Variants in SHQ1 observed in about 807,000 individuals in gnomAD.
SHQ1 encodes the protein SHQ1, H/ACA ribonucleoprotein assembly factor.
Under a neutral mutation model 53.8 loss-of-function variants are expected in SHQ1, and 49 were observed. That is an observed-to-expected ratio of 0.91 (90% confidence interval 0.72 to 1.16). SHQ1 has a LOEUF of 1.16. Ranked by LOEUF, SHQ1 falls within the 50% of genes most tolerant of loss-of-function variation. SHQ1 has a pLI of 0.00. For missense variants in SHQ1, 738 were observed against 683.1 expected, an observed-to-expected ratio of 1.08 and a Z score of -0.90; for synonymous variants, 243 against 251.0, an observed-to-expected ratio of 0.97 and a Z score of 0.30.
At chr3:72,740,534 T>A in the SHQ1 span, among the ~76,000 whole-genome samples, 1 of 152,214 alleles carries the variant, frequency 6.6e-6, no homozygotes, top group African/African-American at 2.4e-5. Flanking sequence ...TCCTCTTTAC[T>A]GTTTGAAGCA....
rs867985799 is a variant in SHQ1, at chr3:72,763,066, G to C, written c.1182-12230C>G. On this transcript the variant is annotated intron_variant, in intron 10 of 10. Transcript: ENST00000325599. ...ACACACACACACACACACACACAGA[G>C]AGAGAGAGAGAGAGAGAGAGAAATG... is the stretch of plus-strand genomic sequence containing the variant. Among the ~76,000 whole-genome samples, 243 of 136,572 alleles carry C rather than the reference G, an allele frequency of 1.8e-3. 1 individual carries two copies. Among genetic ancestry groups the C allele is most frequent in the African/African-American group, 6.2e-3 (199 of 31,974 alleles). 89.6% of individuals were successfully genotyped at this position (136,572 alleles called of 152,430 possible).
At chr3:72,781,749 T>C (rs532846824) in intron 10 of SHQ1, among the ~76,000 whole-genome samples, 2 of 152,202 alleles carry the variant, frequency 1.3e-5, no homozygotes, top group East Asian at 3.9e-4. Flanking sequence ...CATGAAGCAG[T>C]GGCCTTTTAA....
At chr3:72,784,365 G>A (rs116268485) in intron 10 of SHQ1, among the ~76,000 whole-genome samples, 1,649 of 152,262 alleles carry the variant, frequency 0.011, 26 homozygotes, top group African/African-American at 0.036. Context: ...CTAATGAAGA[G>A]CAACAGTCCC....
intron 10 of SHQ1, among the ~76,000 whole-genome samples, chr3:72,769,964 G>A (rs1406184962): frequency 6.6e-6 from 1 of 152,096 alleles, no homozygotes; most frequent in Non-Finnish European, 1.5e-5. Context: ...AACAAAATGA[G>A]GACATAACCC....
intron 10 of SHQ1, 64 bp from the exon 11 acceptor site, chr3:72,750,900 A>G (rs1406446196): frequency 7.4e-6 from 10 of 1,348,450 alleles, no homozygotes; most frequent in Non-Finnish European, 8.8e-6. Context: ...ATAACAGGTT[A>G]TACAGCTTCC....
chr3:72,828,687 T>C, intron 5 of SHQ1, among the ~76,000 whole-genome samples: 1 of 152,096 alleles, frequency 6.6e-6, no homozygotes, highest in East Asian at 1.9e-4. Context: ...AGAGCAAGAC[T>C]CTGTCTCAAA....
rs1419736386 is a variant in SHQ1, at chr3:72,750,525, T to A, written c.1493A>T (p.Glu498Val). 6.2e-7 allele frequency: 1 copy of A among 1,614,228 alleles called. No individual in the cohort carries two copies. Among genetic ancestry groups the A allele is most frequent in the South Asian group, 1.1e-5 (1 of 91,088 alleles). The change falls in exon 11 of 11, where the codon GAA becomes GTA. Residue 498 changes from glutamate to valine, a missense_variant. By Grantham distance (121) the Glu-to-Val change is moderately radical. Transcript: ENST00000325599. ...ATCAACAATAAGAAAGGCACTGCTT[T>A]CTTCAAGAAAGGGACCTTGCAAAGA... Reference protein sequence around the residue: ...VSSLQGPFLEESSAFLIVDGG... With the variant: ...VSSLQGPFLEVSSAFLIVDGG...
At chr3:72,732,380 G>T in the SHQ1 span, among the ~76,000 whole-genome samples, 2,479 of 94,592 alleles carry the variant, frequency 0.026, 60 homozygotes, top group African/African-American at 0.082. Context: ...CTGCCTGCCT[G>T]CCTGCCTGCC....
chr3:72,764,010 GA>G (rs77924186), intron 10 of SHQ1, among the ~76,000 whole-genome samples: 3,237 of 140,070 alleles, frequency 0.023, 105 homozygotes, highest in African/African-American at 0.077. Flanking sequence ...TTTACAAATG[GA>G]AAAAAAAAAA....
At chr3:72,804,122 C>T (rs916289651) in intron 9 of SHQ1, among the ~76,000 whole-genome samples, 1 of 152,014 alleles carries the variant, frequency 6.6e-6, no homozygotes, top group Non-Finnish European at 1.5e-5. Context: ...CAAGGTCTCA[C>T]TATGTTGCCC....
intron 10 of SHQ1, among the ~76,000 whole-genome samples, chr3:72,763,516 G>T (rs1432194277): frequency 6.6e-6 from 1 of 152,168 alleles, no homozygotes; most frequent in Non-Finnish European, 1.5e-5. Flanking sequence ...AAGATGTGTT[G>T]ATGTCCTAAG....
At chr3:72,772,578 AT>A in intron 10 of SHQ1, 2 of 700,524 alleles carry the variant, frequency 2.9e-6, no homozygotes, top group Non-Finnish European at 5.4e-6. Context: ...ATCCAGAACC[AT>A]TTTTGATTAA....
At chr3:72,847,261 C>G (rs1297814380) in intron 1 of SHQ1, among the ~76,000 whole-genome samples, 1 of 152,124 alleles carries the variant, frequency 6.6e-6, no homozygotes, top group East Asian at 1.9e-4. Flanking sequence ...AGTGAAAAAA[C>G]CACCTTGACT....
At chr3:72,765,555 A>ATTTTTTTTTTTT (rs1171352955) in intron 10 of SHQ1, among the ~76,000 whole-genome samples, 1 of 71,766 alleles carries the variant, frequency 1.4e-5, no homozygotes, top group African/African-American at 6.5e-5. Context: ...ATATATATAT[A>ATTTTTTTTTTTT]TATTTTTTTT....
the SHQ1 span, among the ~76,000 whole-genome samples, chr3:72,728,986 G>C: frequency 6.6e-6 from 1 of 152,238 alleles, no homozygotes; most frequent in African/African-American, 2.4e-5. Context: ...AAGGAAGCCA[G>C]CCGACCAGGT....
intron 10 of SHQ1, among the ~76,000 whole-genome samples, chr3:72,783,741 C>T (rs1021872969): frequency 5.3e-5 from 8 of 151,752 alleles, no homozygotes; most frequent in Non-Finnish European, 7.4e-5. Flanking sequence ...CCATTTTTTC[C>T]AAGTCTGGAT....
intron 10 of SHQ1, among the ~76,000 whole-genome samples, chr3:72,791,006 A>C (rs975730429): frequency 6.6e-6 from 1 of 151,966 alleles, no homozygotes; most frequent in Non-Finnish European, 1.5e-5. Context: ...AAGTTTTTTC[A>C]GGGAAGGTCT....
intron 8 of SHQ1, 34 bp downstream of exon 8, chr3:72,815,316 A>G: frequency 6.3e-7 from 1 of 1,592,366 alleles, no homozygotes; most frequent in Non-Finnish European, 8.6e-7. Context: ...TTCCTGAACA[A>G]CAAATTCTAA....
In SHQ1 at chr3:72,784,773, C is replaced by T. The variant is rs565618063; in HGVS notation, c.1181+8143G>A. 2.0e-5 allele frequency among the ~76,000 whole-genome samples: 3 copies of T among 152,294 alleles called. No homozygotes were observed. In the South Asian group the frequency reaches 6.2e-4, roughly 32 times the overall value. Reference sequence around the variant, plus strand: ...CCTAGAGTGTCTGATTATCGCTCTGCGTGCCTGAATTTAACAGATCCCCAA... The same window carrying T: ...CCTAGAGTGTCTGATTATCGCTCTGTGTGCCTGAATTTAACAGATCCCCAA... On this transcript the variant is annotated intron_variant, in intron 10 of 10. Transcript: ENST00000325599.
Sources: gnomAD v4.1 joint callset for allele counts (sites outside exome capture counted in the v4.1 genomes callset) on GRCh38, gnomAD v4.1.1 for gene constraint, MANE v1.5 for transcripts, NCBI Gene and HGNC (gene_info 2026-07-23, HGNC 2026-07-21) for gene names.